The following CCDC39 variants were observed in gnomAD, a reference collection of about 807,000 sequenced individuals.
CCDC39 encodes the protein coiled-coil domain 39 molecular ruler complex subunit.
A neutral mutation model predicts 121.0 loss-of-function variants in CCDC39; 113 were observed. The observed-to-expected ratio is 0.93, with a 90% confidence interval of 0.80 to 1.09. The LOEUF is 1.09. CCDC39 is among the 50% of genes least tolerant of loss of function. The pLI is 0.00. For missense variants in CCDC39, 1,063 were observed against 1,074.7 expected (o/e 0.99, Z 0.15); for synonymous variants, 349 against 352.2 (o/e 0.99, Z 0.10).
intron 9 of CCDC39, among the ~76,000 whole-genome samples, chr3:180,650,513 C>G (rs570704142): frequency 1.3e-5 from 2 of 152,158 alleles, no homozygotes; most frequent in Admixed American, 6.5e-5. Context: ...GACATAGGTA[C>G]AGTAGGCTTT....
chr3:180,653,133 C>T (rs1162359761), intron 7 of CCDC39, among the ~76,000 whole-genome samples: 1 of 152,108 alleles, frequency 6.6e-6, no homozygotes, highest in Admixed American at 6.5e-5. Flanking sequence ...TGTGTCAAAC[C>T]CTGACAAAAC....
intron 1 of CCDC39, among the ~76,000 whole-genome samples, chr3:180,671,038 C>A (rs1453068885): frequency 1.3e-5 from 2 of 151,834 alleles, no homozygotes; most frequent in Non-Finnish European, 1.5e-5. Context: ...ATGGCAAAAC[C>A]CTGTGTCTAC....
At chr3:180,641,027 G>T (rs1268792258) in intron 13 of CCDC39, among the ~76,000 whole-genome samples, 3 of 152,004 alleles carry the variant, frequency 2.0e-5, no homozygotes, top group Non-Finnish European at 2.9e-5. Context: ...TGCAAAAATT[G>T]TATTAAAATA....
intron 1 of CCDC39, among the ~76,000 whole-genome samples, chr3:180,677,209 T>TATAA (rs1560097274): frequency 9.5e-6 from 1 of 105,684 alleles, no homozygotes; most frequent in South Asian, 2.9e-4. Flanking sequence ...TATATATATA[T>TATAA]ATATATAAAA....
At chr3:180,648,990 T>C (rs1470335599) in intron 9 of CCDC39, among the ~76,000 whole-genome samples, 2 of 152,138 alleles carry the variant, frequency 1.3e-5, no homozygotes, top group Admixed American at 6.6e-5. Flanking sequence ...ACCTTAAGAG[T>C]ACAAAATAAT....
At chr3:180,676,105 C>G (rs1342623514) in intron 1 of CCDC39, among the ~76,000 whole-genome samples, 2 of 152,148 alleles carry the variant, frequency 1.3e-5, no homozygotes, top group African/African-American at 4.8e-5. Flanking sequence ...ATGTCTAAAA[C>G]ACCAAAAGCA....
At chr3:180,678,698 G>GT (rs1309921486) in intron 1 of CCDC39, among the ~76,000 whole-genome samples, 2 of 151,686 alleles carry the variant, frequency 1.3e-5, no homozygotes, top group Non-Finnish European at 2.9e-5. Context: ...TGTAGTTAGT[G>GT]TAAGTTCGTC....
chr3:180,615,990 G>A (rs1207198735), intron 19 of CCDC39, among the ~76,000 whole-genome samples: 1 of 152,058 alleles, frequency 6.6e-6, no homozygotes, highest in East Asian at 1.9e-4. Context: ...GCTAGATGTA[G>A]CCCCCAAATT....
intron 1 of CCDC39, among the ~76,000 whole-genome samples, chr3:180,678,645 C>A (rs1443814205): frequency 1.3e-5 from 2 of 151,452 alleles, no homozygotes; most frequent in Non-Finnish European, 2.9e-5. Flanking sequence ...TGAGCCACTG[C>A]GCCCGGCCTG....
intron 1 of CCDC39, among the ~76,000 whole-genome samples, chr3:180,669,351 G>A (rs1711970481): frequency 1.3e-5 from 2 of 152,266 alleles, no homozygotes; most frequent in African/African-American, 2.4e-5. Context: ...GAATTGAGTT[G>A]TCAAGTGTTT....
chr3:180,650,191 C>T (rs575055432), intron 9 of CCDC39, among the ~76,000 whole-genome samples: 1 of 152,090 alleles, frequency 6.6e-6, no homozygotes, highest in Non-Finnish European at 1.5e-5. Flanking sequence ...AGTGGTGCAC[C>T]AGCCTTTTCC....
In CCDC39 at chr3:180,647,110, C is replaced by T. The variant is rs1207940597; in HGVS notation, c.1496G>A (p.Gly499Asp). The T allele has an allele frequency of 6.2e-7, 1 of 1,608,614 alleles. No individual in the cohort carries two copies. Among genetic ancestry groups the T allele is most frequent in the African/African-American group, 1.3e-5 (1 of 74,674 alleles). Reference sequence around the variant, plus strand: ...CTTCTTGATCTGTGTTTCCAAAAGGCCACATGTAGATTTTTTCTCTTCCAA... The same window carrying T: ...CTTCTTGATCTGTGTTTCCAAAAGGTCACATGTAGATTTTTTCTCTTCCAA... ...KSLEEKKSTCGLLETQIKKLH... is the reference protein window; with the variant it reads ...KSLEEKKSTCDLLETQIKKLH... Residue 499 changes from glycine (G) to aspartate (D), a missense_variant, in exon 11 of 20, where the codon GGC becomes GAC. Coordinates refer to ENST00000476379, the MANE Select transcript of CCDC39 (RefSeq NM_181426.2).
rs910148933 is a variant in CCDC39 at position 180,624,106 on chromosome 3, T to C, written c.1999-4136A>G. ...TGTTTTATGAATCTAGGTGCTGCAG[T>C]GTTGTGCATATATAATTAGGATTGT... On this transcript the variant is annotated intron_variant, in intron 14 of 19. Transcript: ENST00000476379. 5.3e-5 allele frequency among the ~76,000 whole-genome samples: 8 copies of C among 152,180 alleles called. No individual in the cohort carries two copies. In the South Asian group the frequency reaches 8.3e-4, roughly 16 times the overall value.
Position 180,679,386 on chromosome 3 carries a change from CAA to C in CCDC39, c.-8_-7del. 6.2e-7 allele frequency: 1 copy of C among 1,612,912 alleles called. No homozygotes were observed. Among genetic ancestry groups the C allele is most frequent in the Non-Finnish European group, 8.5e-7 (1 of 1,178,980 alleles). ...GCCAGGAATTCGCTACTCATGACTG[CAA>C]ACGGATAGAGAAGATACAGAGCAAA... On this transcript the variant is annotated 5_prime_UTR_variant, in exon 1 of 20. Transcript: ENST00000476379. The surrounding 1 kb of genome is among the most constrained non-coding windows in gnomAD (Gnocchi z 4.0).
chr3:180,643,699 C>T (rs1444227207), intron 12 of CCDC39, among the ~76,000 whole-genome samples: 3 of 152,046 alleles, frequency 2.0e-5, no homozygotes, highest in African/African-American at 7.2e-5. Flanking sequence ...AGGAATTTAT[C>T]CAAAGGAACT....
At chr3:180,623,172 G>A (rs1235637594) in intron 14 of CCDC39, among the ~76,000 whole-genome samples, 1 of 150,244 alleles carries the variant, frequency 6.7e-6, no homozygotes, top group Non-Finnish European at 1.5e-5. Flanking sequence ...TTTCTTCCTG[G>A]TTCAACCTTG....
At chr3:180,615,219 A>T (rs1229872038) in intron 19 of CCDC39, 142 bp from the exon 20 acceptor site, 1 of 577,094 alleles carries the variant, frequency 1.7e-6, no homozygotes, top group Non-Finnish European at 2.9e-6. Flanking sequence ...TTTTTAAATG[A>T]CCATCAATAG....
At chr3:180,640,878 A>G (rs1717938683) in intron 13 of CCDC39, among the ~76,000 whole-genome samples, 1 of 152,050 alleles carries the variant, frequency 6.6e-6, no homozygotes, top group Non-Finnish European at 1.5e-5. Context: ...ACTCTTTTAG[A>G]AACATATTCA....
At position 180,654,919 on chromosome 3, in the gene CCDC39, T is replaced by G; in HGVS notation, c.773A>C (p.Lys258Thr). The change falls in exon 7 of 20, where the codon AAA (lysine) becomes ACA (threonine). Residue 258 changes from lysine (K) to threonine (T), a missense_variant. By Grantham distance (78) the Lys-to-Thr change is moderately conservative (BLOSUM62 -1). Transcript: ENST00000476379. ...LARIKQETRE[K>T]ENLVKEKIKF... ...GATCTTTTCTTTAACCAAATTTTCT[T>G]TTTCTCTCGTTTCCTGCTTTATCCT... The G allele has an allele frequency of 6.3e-7, 1 of 1,582,812 alleles. No homozygotes were observed. The highest frequency in any genetic ancestry group is 2.3e-5 in the East Asian group (1 of 43,522).
Sources: allele counts gnomAD v4.1 joint callset (sites outside exome capture counted in the v4.1 genomes callset), GRCh38; gene constraint gnomAD v4.1.1; non-coding constraint Gnocchi (gnomAD v3.1); transcripts MANE v1.5; gene names NCBI Gene and HGNC (gene_info 2026-07-23, HGNC 2026-07-21).